Variants in ZNF212 observed in about 807,000 individuals in gnomAD.
The protein encoded by ZNF212 is zinc finger protein 212.
Under a neutral mutation model 47.3 loss-of-function variants are expected in ZNF212, and 32 were observed. That is an observed-to-expected ratio of 0.68 (90% CI 0.51 to 0.91). ZNF212 has a LOEUF of 0.91. Among genes scored for constraint, ZNF212 ranks in the 40% least tolerant of loss-of-function variants. The pLI, the probability that ZNF212 is intolerant of heterozygous loss-of-function variation, is 0.00. For synonymous variants in ZNF212, 242 were observed against 253.8 expected, an observed-to-expected ratio of 0.95 and a Z score of 0.44; for missense variants, 555 against 622.8, an observed-to-expected ratio of 0.89 and a Z score of 1.16.
intron 1 of ZNF212, among the ~76,000 whole-genome samples, chr7:149,243,398 C>G (rs1796624647): frequency 7.7e-6 from 1 of 130,060 alleles, no homozygotes; most frequent in Non-Finnish European, 1.5e-5. Context: ...TGCGCCACTG[C>G]ACTCCAGCCT....
intron 1 of ZNF212, 144 bp downstream of exon 1, chr7:149,239,946 C>T (rs987682253): frequency 2.6e-5 from 25 of 950,790 alleles, no homozygotes; most frequent in Non-Finnish European, 3.5e-5. Context: ...GGACCCTCCT[C>T]TTCGCGACCC....
In ZNF212 at chr7:149,239,688, G is replaced by GGCA. The variant is rs1796556927; in HGVS notation, c.-89_-88insAGC. 7.7e-7 allele frequency: 1 copy of GGCA among 1,292,132 alleles called. No individual in the cohort carries two copies. Among genetic ancestry groups the GGCA allele is most frequent in the Non-Finnish European group, 9.9e-7 (1 of 1,014,894 alleles). 80.0% of individuals were successfully genotyped at this position (1,292,132 alleles called of 1,614,324 possible). On this transcript the variant is annotated 5_prime_UTR_variant, in exon 1 of 5. Coordinates refer to ENST00000335870, the MANE Select transcript of ZNF212 (RefSeq NM_012256.4). ...GCATCAACACGGCGGCGGCGGCGGC[G>GGCA]GCTTCCAACAGGCTCTGGGGCGCCG...
rs1585598919 is a variant in ZNF212, at chr7:149,254,473, G to A, written c.*58G>A. 1 of 1,530,500 alleles carries A rather than the reference G, an allele frequency of 6.5e-7. No individual in the cohort carries two copies. The highest frequency in any genetic ancestry group is 1.3e-5 in the South Asian group (1 of 78,492). 94.8% of individuals were successfully genotyped at this position (1,530,500 alleles called of 1,614,324 possible). A position where few individuals can be genotyped will look rare whatever the true frequency, so the allele number is the denominator to read the frequency against. On this transcript the variant is annotated 3_prime_UTR_variant, in exon 5 of 5. Transcript: ENST00000335870. The surrounding 1 kb of genome is among the most constrained non-coding windows in gnomAD (Gnocchi z 4.5). ...GGGGGGTGGCATTGGTTCCCCCGAA[G>A]AGACACTGCAGTCAGGGACTGAGTT...
rs767820498 is a variant in ZNF212, at chr7:149,253,665, A to C, written c.738A>C (p.Pro246=). 1.2e-6 allele frequency: 2 copies of C among 1,614,228 alleles called. No homozygotes were observed. The highest frequency in any genetic ancestry group is 8.5e-7 in the Non-Finnish European group (1 of 1,180,040). The stretch of plus-strand genomic sequence containing the variant: ...CTGAAGAGCAGGCTTTCCTGAGCCC[A>C]GAGCAGACCGAACTCTGGGGTGGTC... ...CIAEEQAFLS[P]EQTELWGGQG... The change falls in exon 5 of 5, where the codon CCA becomes CCC. Residue 246 remains proline (P), a synonymous_variant. Coordinates refer to ENST00000335870, the MANE Select transcript of ZNF212 (RefSeq NM_012256.4).
At chr7:149,251,870 C>T (rs1796765090) in intron 3 of ZNF212, among the ~76,000 whole-genome samples, 1 of 145,688 alleles carries the variant, frequency 6.9e-6, no homozygotes, top group Non-Finnish European at 1.5e-5. Flanking sequence ...TTTGGGAGGC[C>T]AAGGTGGGAG....
chr7:149,240,728 T>C (rs1044259682), intron 1 of ZNF212, among the ~76,000 whole-genome samples: 1 of 152,224 alleles, frequency 6.6e-6, no homozygotes, highest in Non-Finnish European at 1.5e-5. Flanking sequence ...TGACTTTTAA[T>C]GAAGTGTTCC....
intron 4 of ZNF212, 25 bp downstream of exon 4, chr7:149,252,820 T>C: frequency 6.2e-7 from 1 of 1,609,516 alleles, no homozygotes; most frequent in Non-Finnish European, 8.5e-7. Context: ...AATATTCTGT[T>C]CCCCTTCCAT....
At chr7:149,242,039 T>G (rs1403383314) in intron 1 of ZNF212, among the ~76,000 whole-genome samples, 1 of 117,362 alleles carries the variant, frequency 8.5e-6, no homozygotes, top group Non-Finnish European at 1.8e-5. Context: ...TTTTTTTTTT[T>G]TGAGAGAGTC....
chr7:149,242,052 G>A (rs111409379), intron 1 of ZNF212, among the ~76,000 whole-genome samples: 10,308 of 124,826 alleles, frequency 0.083, 472 homozygotes, highest in African/African-American at 0.12. Context: ...AGAGAGTCTC[G>A]CTCTCTTGCT....
intron 1 of ZNF212, among the ~76,000 whole-genome samples, chr7:149,245,468 G>T (rs116333956): frequency 1.5e-4 from 23 of 151,790 alleles, no homozygotes; most frequent in African/African-American, 5.1e-4. Flanking sequence ...ATACCAGGAC[G>T]TATAATCGTG....
At chr7:149,248,838 A>C (rs1319237388) in intron 1 of ZNF212, among the ~76,000 whole-genome samples, 1 of 152,240 alleles carries the variant, frequency 6.6e-6, no homozygotes, top group Non-Finnish European at 1.5e-5. Flanking sequence ...ATGATGAATT[A>C]ACTGACTTGA....
intron 1 of ZNF212, among the ~76,000 whole-genome samples, chr7:149,242,852 G>T (rs1796613364): frequency 6.6e-6 from 1 of 152,058 alleles, no homozygotes; most frequent in Admixed American, 6.6e-5. Flanking sequence ...ATAATTTCTA[G>T]GATACTTGCT....
intron 1 of ZNF212, 144 bp downstream of exon 1, chr7:149,239,946 C>A: frequency 6.3e-6 from 6 of 950,910 alleles, no homozygotes; most frequent in Non-Finnish European, 8.3e-6. Flanking sequence ...GGACCCTCCT[C>A]TTCGCGACCC....
At position 149,254,176 on chromosome 7, in the gene ZNF212, C is replaced by T. The variant is rs759341313; in HGVS notation, c.1249C>T (p.His417Tyr). The T allele has an allele frequency of 5.6e-6, 9 of 1,614,146 alleles. No homozygotes were observed. The highest frequency in any genetic ancestry group is 7.6e-6 in the Non-Finnish European group (9 of 1,180,042). The change falls in exon 5 of 5, where the codon CAC becomes TAC. Residue 417 changes from histidine (H) to tyrosine (Y), a missense_variant. By Grantham distance (83) the His-to-Tyr change is moderately conservative. Transcript: ENST00000335870. This position sits in a 1 kb window ranked among gnomAD's most constrained non-coding sequence, Gnocchi z 4.5. ...CAACAGCCTGGTTGCCCTGCCTGGCCACATCCCTTGGAGGAAAAGCCGGAG... is the reference window on the plus strand; with the variant it reads ...CAACAGCCTGGTTGCCCTGCCTGGCTACATCCCTTGGAGGAAAAGCCGGAG... ...SPNSLVALPGHIPWRKSRSSL... is the reference protein window; with the variant it reads ...SPNSLVALPGYIPWRKSRSSL...
intron 1 of ZNF212, among the ~76,000 whole-genome samples, chr7:149,246,956 G>C (rs1796687888): frequency 6.6e-6 from 1 of 151,200 alleles, no homozygotes; most frequent in African/African-American, 2.4e-5. Context: ...GGTATTACAG[G>C]CATGCGCCAC....
chr7:149,240,593 A>G (rs916719043), intron 1 of ZNF212, among the ~76,000 whole-genome samples: 1 of 152,070 alleles, frequency 6.6e-6, no homozygotes, highest in Non-Finnish European at 1.5e-5. Flanking sequence ...TTGCTAGATG[A>G]TCTCCAAGGC....
rs1202406441 is a variant in ZNF212 at position 149,242,636 on chromosome 7, TAGAA to T, written c.24+2837_24+2840del. On this transcript the variant is annotated intron_variant, in intron 1 of 4. Coordinates refer to ENST00000335870, the MANE Select transcript of ZNF212 (RefSeq NM_012256.4). ...CAGGTAAAATGAAAATTTTCCCAAA[TAGAA>T]AGTCTGAAAATATGAGAAGATGTGA... Among the ~76,000 whole-genome samples, 4 of 152,286 alleles carry T rather than the reference TAGAA, an allele frequency of 2.6e-5. No individual in the cohort carries two copies. The South Asian group carries it at 6.2e-4, about 24-fold the overall frequency.
intron 3 of ZNF212, among the ~76,000 whole-genome samples, chr7:149,251,491 CTTTTTT>C (rs71194634): frequency 7.7e-5 from 6 of 77,434 alleles, no homozygotes; most frequent in Non-Finnish European, 1.2e-4. Context: ...CCTGTTTTAT[CTTTTTT>C]TTTTTTTTTT....
intron 3 of ZNF212, among the ~76,000 whole-genome samples, chr7:149,251,911 C>T (rs1208160107): frequency 1.4e-5 from 2 of 145,218 alleles, no homozygotes; most frequent in African/African-American, 5.2e-5. Context: ...TCGAAATCAG[C>T]CTGGTCGACA....
Sources: allele counts gnomAD v4.1 joint callset (sites outside exome capture counted in the v4.1 genomes callset), GRCh38; gene constraint gnomAD v4.1.1; non-coding constraint Gnocchi (gnomAD v3.1); transcripts MANE v1.5; gene names NCBI Gene and HGNC (gene_info 2026-07-23, HGNC 2026-07-21).